The following IL1RAP variants were observed in gnomAD, a reference collection of about 807,000 sequenced individuals.
IL1RAP encodes interleukin-1 receptor accessory protein.
IL1RAP carries 35 observed loss-of-function variants against 60.7 expected under a neutral mutation model. The ratio of observed to expected loss-of-function variants is 0.58; its 90% confidence interval spans 0.44 to 0.76. The LOEUF is 0.76. Among genes scored for constraint, IL1RAP ranks in the 30% least tolerant of loss-of-function variants. IL1RAP has a pLI of 0.00. For missense variants in IL1RAP, 572 were observed against 693.9 expected (o/e 0.82, Z 1.97); for synonymous variants, 268 against 250.9 (o/e 1.07, Z -0.64).
At chr3:190,556,983 G>C (rs1048407464) in intron 2 of IL1RAP, among the ~76,000 whole-genome samples, 3 of 152,182 alleles carry the variant, frequency 2.0e-5, no homozygotes, top group African/African-American at 7.2e-5. Flanking sequence ...CAGCCTCAGT[G>C]TCCCTAAGTA....
intron 5 of IL1RAP, among the ~76,000 whole-genome samples, chr3:190,614,001 G>A (rs911700365): frequency 2.0e-5 from 3 of 151,856 alleles, no homozygotes; most frequent in African/African-American, 7.3e-5. Flanking sequence ...CTTGGTCACT[G>A]CATCCTCCTG....
At chr3:190,538,756 C>T in intron 1 of IL1RAP, among the ~76,000 whole-genome samples, 1 of 152,094 alleles carries the variant, frequency 6.6e-6, no homozygotes, top group East Asian at 1.9e-4. Flanking sequence ...GGGAGGGACC[C>T]AGTGGCAGGT....
intron 7 of IL1RAP, among the ~76,000 whole-genome samples, chr3:190,625,976 G>C (rs1011271056): frequency 5.3e-5 from 8 of 152,214 alleles, no homozygotes; most frequent in Non-Finnish European, 1.0e-4. Context: ...CAATGGGAGG[G>C]TAGATAGAGT....
intron 7 of IL1RAP, among the ~76,000 whole-genome samples, chr3:190,623,650 G>A (rs4687163): frequency 0.68 from 103,482 of 152,028 alleles, 35,793 homozygotes; most frequent in East Asian, 0.83. Context: ...TCTGCTAGCC[G>A]TCTTCCTCTG....
intron 3 of IL1RAP, among the ~76,000 whole-genome samples, chr3:190,579,446 C>T (rs781757117): frequency 6.6e-5 from 10 of 151,792 alleles, no homozygotes; most frequent in Non-Finnish European, 1.2e-4. Flanking sequence ...AAATAGAGGC[C>T]CGGAGAGATT....
At chr3:190,644,065 A>T (rs961645842) in intron 9 of IL1RAP, 183 bp from the exon 10 acceptor site, 1 of 931,512 alleles carries the variant, frequency 1.1e-6, no homozygotes, top group Admixed American at 6.2e-5. Context: ...GGAAACAAAA[A>T]GATAAACATA....
At chr3:190,656,261 G>A, downstream of IL1RAP, 1 of 1,537,222 alleles carries the variant, frequency 6.5e-7, no homozygotes, top group Non-Finnish European at 8.7e-7. Flanking sequence ...GTTCAAAGGA[G>A]GAGAAGTCGT....
chr3:190,627,595 T>A, intron 8 of IL1RAP, 146 bp downstream of exon 8: 1 of 1,067,438 alleles, frequency 9.4e-7, no homozygotes, highest in Non-Finnish European at 1.3e-6. Flanking sequence ...CTTTGGTGAT[T>A]GCATCCCAAA....
chr3:190,598,353 G>A (rs965159543), intron 3 of IL1RAP, among the ~76,000 whole-genome samples: 1 of 151,806 alleles, frequency 6.6e-6, no homozygotes, highest in Non-Finnish European at 1.5e-5. Flanking sequence ...ATCATTCAAA[G>A]TGAAATGACT....
At chr3:190,536,630 G>A (rs1456383390) in intron 1 of IL1RAP, among the ~76,000 whole-genome samples, 1 of 152,076 alleles carries the variant, frequency 6.6e-6, no homozygotes, top group East Asian at 1.9e-4. Context: ...ATAGGGACAT[G>A]GTTAAATACA....
chr3:190,589,657 T>A (rs1201133775), intron 3 of IL1RAP, among the ~76,000 whole-genome samples: 2 of 152,140 alleles, frequency 1.3e-5, no homozygotes, highest in African/African-American at 2.4e-5. Flanking sequence ...CTTTGTAATT[T>A]TGCGTGGAAT....
chr3:190,539,233 T>C (rs1479729188), intron 1 of IL1RAP, among the ~76,000 whole-genome samples: 1 of 152,184 alleles, frequency 6.6e-6, no homozygotes, highest in Non-Finnish European at 1.5e-5. Context: ...TATCTGTGTA[T>C]CTGTGATGAT....
intron 10 of IL1RAP, 138 bp downstream of exon 10, chr3:190,644,535 C>A: frequency 1.5e-6 from 1 of 669,794 alleles, no homozygotes; most frequent in South Asian, 1.9e-5. Flanking sequence ...ACTTTAATTT[C>A]AACCGTTGCT....
At chr3:190,593,509 A>G (rs1318856486) in intron 3 of IL1RAP, among the ~76,000 whole-genome samples, 1 of 152,220 alleles carries the variant, frequency 6.6e-6, no homozygotes, top group East Asian at 1.9e-4. Flanking sequence ...TGGGCAATTT[A>G]TAAAGGAAAG....
At chr3:190,655,031 C>T (rs189811601), downstream of IL1RAP, among the ~76,000 whole-genome samples, 47 of 152,118 alleles carry the variant, frequency 3.1e-4, no homozygotes, top group East Asian at 3.5e-3. Flanking sequence ...CACACACAGA[C>T]GCACACACAC....
intron 5 of IL1RAP, among the ~76,000 whole-genome samples, chr3:190,616,573 G>A (rs1375002503): frequency 6.6e-6 from 1 of 152,056 alleles, no homozygotes. Context: ...AGACTTCATA[G>A]CAAAGTATGT....
At chr3:190,590,473 G>A (rs535572191) in intron 3 of IL1RAP, among the ~76,000 whole-genome samples, 4 of 152,066 alleles carry the variant, frequency 2.6e-5, no homozygotes, top group South Asian at 2.1e-4. Flanking sequence ...CAAGCCGGTC[G>A]CGAACTCCTG....
At chr3:190,610,958 G>A (rs1456684451) in intron 5 of IL1RAP, among the ~76,000 whole-genome samples, 4 of 152,204 alleles carry the variant, frequency 2.6e-5, no homozygotes, top group Middle Eastern at 3.4e-3. Flanking sequence ...AATTTAATGG[G>A]TTACATTTGG....
chr3:190,547,570 C>T (rs992958191), intron 1 of IL1RAP, among the ~76,000 whole-genome samples: 11 of 152,238 alleles, frequency 7.2e-5, no homozygotes, highest in Admixed American at 7.2e-4. Context: ...GGAATATTAT[C>T]TTTGTGTTTC....
Sources: gnomAD v4.1 joint callset for allele counts (sites outside exome capture counted in the v4.1 genomes callset) on GRCh38, gnomAD v4.1.1 for gene constraint, MANE v1.5 for transcripts, NCBI Gene and HGNC (gene_info 2026-07-23, HGNC 2026-07-21) for gene names.